The following FAM98B variants were observed in gnomAD, a reference collection of about 807,000 sequenced individuals.
FAM98B encodes the protein tRNA splicing ligase complex subunit 3B, also known as tRNA-splicing ligase complex subunit FAM98B.
A neutral mutation model predicts 43.9 loss-of-function variants in FAM98B; 32 were observed. The ratio of observed to expected loss-of-function variants is 0.73; its 90% CI spans 0.55 to 0.98. The LOEUF is 0.98. Among genes scored for constraint, FAM98B ranks in the 50% least tolerant of loss-of-function variants. The pLI is 0.00. For missense variants in FAM98B, 514 were observed against 522.9 expected (o/e 0.98, Z 0.17); for synonymous variants, 190 against 174.0 (o/e 1.09, Z -0.72).
At chr15:38,467,891 T>C (rs1408729744) in intron 3 of FAM98B, among the ~76,000 whole-genome samples, 1 of 152,190 alleles carries the variant, frequency 6.6e-6, no homozygotes, top group African/African-American at 2.4e-5. Context: ...AAAATAAATA[T>C]ACAGGACATG....
At chr15:38,467,254 GCTT>G (rs1890050229) in intron 3 of FAM98B, among the ~76,000 whole-genome samples, 1 of 152,070 alleles carries the variant, frequency 6.6e-6, no homozygotes, top group Admixed American at 6.5e-5. Context: ...GATATAATAA[GCTT>G]CTTCATGTTC....
intron 1 of FAM98B, among the ~76,000 whole-genome samples, chr15:38,456,749 AG>A (rs1889854422): frequency 6.6e-6 from 1 of 152,216 alleles, no homozygotes; most frequent in Non-Finnish European, 1.5e-5. Flanking sequence ...TGGATGAAAA[AG>A]GGGGACAAAG....
At chr15:38,479,712 A>G (rs989085981) in intron 6 of FAM98B, among the ~76,000 whole-genome samples, 1 of 152,182 alleles carries the variant, frequency 6.6e-6, no homozygotes, top group Non-Finnish European at 1.5e-5. Flanking sequence ...ATTTTTATAT[A>G]TAAATTTCAG....
intron 1 of FAM98B, among the ~76,000 whole-genome samples, chr15:38,459,723 G>T (rs1446628435): frequency 6.6e-6 from 1 of 152,194 alleles, no homozygotes; most frequent in African/African-American, 2.4e-5. Flanking sequence ...ACCAAGGGTG[G>T]GCGCCCGGAG....
In FAM98B at chr15:38,486,540, C is replaced by G. The variant is rs752912065; in HGVS notation, c.*1881C>G. The G allele has an allele frequency of 2.0e-5, 3 of 152,096 alleles. No homozygotes were observed. Among genetic ancestry groups the G allele is most frequent in the Non-Finnish European group, 4.4e-5 (3 of 67,964 alleles). 9.4% of individuals were successfully genotyped at this position (152,096 alleles called of 1,614,324 possible). On this transcript the variant is annotated 3_prime_UTR_variant, in exon 8 of 8. Coordinates refer to ENST00000397609, the MANE Select transcript of FAM98B (RefSeq NM_173611.4). ...GGCAGAAACAATAGTTTATCAGTTT[C>G]ATTAGATTTTCCATAAGATTTCTTT...
At chr15:38,479,210 C>G (rs1222645859) in intron 6 of FAM98B, among the ~76,000 whole-genome samples, 1 of 152,134 alleles carries the variant, frequency 6.6e-6, no homozygotes, top group Non-Finnish European at 1.5e-5. Context: ...TCAAGTAATG[C>G]TCCCACTTCA....
intron 4 of FAM98B, among the ~76,000 whole-genome samples, chr15:38,472,541 G>A (rs1890143003): frequency 6.6e-6 from 1 of 151,640 alleles, no homozygotes; most frequent in South Asian, 2.1e-4. Context: ...CCCATTTTAA[G>A]TATATATATA....
intron 7 of FAM98B, chr15:38,482,019 A>G (rs1166957324): frequency 1.2e-5 from 2 of 166,034 alleles, no homozygotes; most frequent in Admixed American, 1.1e-4. Context: ...AGCAATAACA[A>G]TAAAGTAATT....
intron 1 of FAM98B, among the ~76,000 whole-genome samples, chr15:38,462,961 G>T (rs969937838): frequency 6.6e-6 from 1 of 152,146 alleles, no homozygotes; most frequent in African/African-American, 2.4e-5. Context: ...TGGCCTACCT[G>T]AATGGGCTAC....
chr15:38,466,622 G>A (rs1247445358), intron 3 of FAM98B, among the ~76,000 whole-genome samples: 1 of 151,926 alleles, frequency 6.6e-6, no homozygotes, highest in Non-Finnish European at 1.5e-5. Flanking sequence ...TCAGGAGGGC[G>A]GTGATGAGGA....
chr15:38,479,978 G>T lies in FAM98B; in HGVS notation c.730-1314G>T, dbSNP rs1890259135. On this transcript the variant is annotated intron_variant, in intron 6 of 7. Transcript: ENST00000397609. ...GTTTTCATAAGCTTATTAGTCATTT[G>T]AATTTCCTCTTTTTAACTTCTATTT... Among the ~76,000 whole-genome samples the T allele has an allele frequency of 2.6e-5, 4 of 151,948 alleles. No homozygotes were observed. In the South Asian group the frequency reaches 8.3e-4, roughly 32 times the overall value.
intron 4 of FAM98B, chr15:38,470,682 C>T (rs553648997): frequency 2.1e-5 from 5 of 236,122 alleles, no homozygotes; most frequent in African/African-American, 1.1e-4. Flanking sequence ...GGATCACTTT[C>T]TTAACCAGGG....
chr15:38,454,928 A>T (rs1039958471), intron 1 of FAM98B, among the ~76,000 whole-genome samples: 3 of 152,128 alleles, frequency 2.0e-5, no homozygotes, highest in Non-Finnish European at 4.4e-5. Context: ...CTCAGGGTGG[A>T]GGTGGGAGTA....
chr15:38,454,740 C>T (rs146383500), intron 1 of FAM98B, among the ~76,000 whole-genome samples: 24 of 152,256 alleles, frequency 1.6e-4, no homozygotes, highest in Non-Finnish European at 2.9e-4. Context: ...CCATTTCGTC[C>T]GTTCGTCAAC....
In FAM98B at chr15:38,487,145, A is replaced by G. The variant is rs1206768392; in HGVS notation, c.*2486A>G. On this transcript the variant is annotated 3_prime_UTR_variant, in exon 8 of 8. Coordinates refer to ENST00000397609, the MANE Select transcript of FAM98B (RefSeq NM_173611.4). ...CGTATAAAGAGCATGTATTCTGTCT[A>G]TAACATAATCACCACACTATTACTC... The G allele has an allele frequency of 1.3e-5, 2 of 152,122 alleles. No individual in the cohort carries two copies. Among genetic ancestry groups the G allele is most frequent in the Admixed American group, 1.3e-4 (2 of 15,276 alleles). The allele number at this position is 152,122 out of a possible 1,614,324, so 9.4% of individuals were successfully genotyped here. A position where few individuals can be genotyped will look rare whatever the true frequency, so the allele number is the denominator to read the frequency against.
At chr15:38,464,508 G>T (rs558020797) in intron 2 of FAM98B, among the ~76,000 whole-genome samples, 2 of 151,950 alleles carry the variant, frequency 1.3e-5, no homozygotes, top group South Asian at 2.1e-4. Context: ...TTTGAATGGT[G>T]CTCATGTTGA....
At chr15:38,477,775 T>C (rs62002948) in intron 6 of FAM98B, among the ~76,000 whole-genome samples, 2,281 of 152,330 alleles carry the variant, frequency 0.015, 23 homozygotes, top group Non-Finnish European at 0.019. Context: ...TCTGCATGTG[T>C]GCCAGGATAA....
chr15:38,462,112 TCTCTA>T (rs1241540343), intron 1 of FAM98B, among the ~76,000 whole-genome samples: 10 of 151,198 alleles, frequency 6.6e-5, no homozygotes, highest in African/African-American at 2.4e-4. Context: ...TAAATATTGA[TCTCTA>T]CTCTATGTAA....
intron 1 of FAM98B, among the ~76,000 whole-genome samples, chr15:38,455,870 G>GT: frequency 6.6e-6 from 1 of 152,278 alleles, no homozygotes; most frequent in African/African-American, 2.4e-5. Context: ...AACATGGAAA[G>GT]TAAAACAGTT....
Sources: gnomAD v4.1 joint callset for allele counts (sites outside exome capture counted in the v4.1 genomes callset) on GRCh38, gnomAD v4.1.1 for gene constraint, MANE v1.5 for transcripts, NCBI Gene and HGNC (gene_info 2026-07-23, HGNC 2026-07-21) for gene names.